NCKAP5L: variants seen among roughly 807,000 people sequenced by gnomAD.
NCKAP5L encodes NCK associated protein 5 like.
A neutral mutation model predicts 103.2 loss-of-function variants in NCKAP5L; 54 were observed. The ratio of observed to expected loss-of-function variants is 0.52; its 90% CI spans 0.42 to 0.66. The LOEUF (loss-of-function observed/expected upper bound fraction) is 0.66. NCKAP5L is among the 30% of genes least tolerant of loss of function. The pLI is 0.00. For missense variants in NCKAP5L, 1,733 were observed against 1,750.6 expected, an observed-to-expected ratio of 0.99 and a Z score of 0.18; for synonymous variants, 762 against 748.6, an observed-to-expected ratio of 1.02 and a Z score of -0.29.
At position 49,796,393 on chromosome 12, in the gene NCKAP5L, C is replaced by G; in HGVS notation, c.1467G>C (p.Arg489=). 6.3e-7 allele frequency: 1 copy of G among 1,579,864 alleles called. No homozygotes were observed. The highest frequency in any genetic ancestry group is 1.8e-5 in the Admixed American group (1 of 55,648). The change falls in exon 8 of 13, where the codon CGG becomes CGC. Residue 489 remains arginine (R), a synonymous_variant. Transcript: ENST00000335999. The stretch of plus-strand genomic sequence containing the variant: ...AGGGGCTGCCGTCTGAGCCACTGTT[C>G]CGACAGGGGATTCGCGAGTTCCGGG... The part of the protein sequence containing the change: ...QLPRNSRIPC[R]NSGSDGSPSP...
Position 49,797,188 on chromosome 12 carries a change from G to T in NCKAP5L, c.672C>A (p.Pro224=). 1 of 1,612,748 alleles carries T rather than the reference G, an allele frequency of 6.2e-7. No homozygotes were observed. Among genetic ancestry groups the T allele is most frequent in the South Asian group, 1.1e-5 (1 of 90,962 alleles). Residue 224 remains proline (P), a synonymous_variant, in exon 8 of 13, where the codon CCC becomes CCA. Coordinates refer to ENST00000335999, the MANE Select transcript of NCKAP5L (RefSeq NM_001037806.4). This position sits in a 1 kb window ranked among gnomAD's most constrained non-coding sequence, Gnocchi z 4.5. The stretch of plus-strand genomic sequence containing the variant: ...GCGGGCCACACAGCTCGCCGTTGAT[G>T]GGCTCTGGGGAGCCAGGCCCCTGGC... ...PPGQGPGSPE[P]INGELCGPPQ...
chr12:49,823,015 G>T (rs980943806), intron 1 of NCKAP5L, among the ~76,000 whole-genome samples: 2 of 150,740 alleles, frequency 1.3e-5, no homozygotes, highest in African/African-American at 2.5e-5. Flanking sequence ...CCGGTCAGAT[G>T]AATGTGGGGG....
chr12:49,815,821 C>T (rs940497029), intron 1 of NCKAP5L, among the ~76,000 whole-genome samples: 10 of 152,112 alleles, frequency 6.6e-5, no homozygotes, highest in African/African-American at 2.4e-4. Context: ...CACTCTCTTG[C>T]CATAAGATGT....
Position 49,797,073 on chromosome 12 carries a change from C to G in NCKAP5L, c.787G>C (p.Gly263Arg), listed in dbSNP as rs1946061975. 6.3e-7 allele frequency: 1 copy of G among 1,578,728 alleles called. No homozygotes were observed. Among genetic ancestry groups the G allele is most frequent in the Non-Finnish European group, 8.6e-7 (1 of 1,162,828 alleles). ...GLLHWERLLG[G>R]LGGEEDTGRP... is the part of the protein sequence containing the mutation. ...CCAGTGTCCTCTTCCCCTCCCAGAC[C>G]CCCCAAGAGGCGCTCCCAGTGCAGC... Residue 263 changes from glycine (G) to arginine (R), a missense_variant, in exon 8 of 13, where the codon GGT becomes CGT. Gly to Arg is a moderately radical substitution (Grantham distance 125, BLOSUM62 -2). Transcript: ENST00000335999. The surrounding 1 kb of genome is among the most constrained non-coding windows in gnomAD (Gnocchi z 4.5).
Position 49,794,467 on chromosome 12 carries a change from C to A in NCKAP5L, c.3095+298G>T, listed in dbSNP as rs374864070. 8.5e-5 allele frequency among the ~76,000 whole-genome samples: 13 copies of A among 152,276 alleles called. No individual in the cohort carries two copies. In the South Asian group the frequency reaches 2.3e-3, roughly 27 times the overall value. On this transcript the variant is annotated intron_variant, in intron 8 of 12. Transcript: ENST00000335999. ...TTATCAGCCCATAGTTAGGCTCTAG[C>A]CTTCACTTAACTATCACATGCAGGC...
At position 49,810,976 on chromosome 12, in the gene NCKAP5L, G is replaced by A. The variant is rs900881048; in HGVS notation, c.-98-4935C>T. Among the ~76,000 whole-genome samples, 7 of 151,234 alleles carry A rather than the reference G, an allele frequency of 4.6e-5. No individual in the cohort carries two copies. In the East Asian group the frequency reaches 1.4e-3, roughly 30 times the overall value. ...TAGAACTTTCTGTAATAATGAACAT[G>A]CTTAGTCTGTACTATCCAACATGGA... On this transcript the variant is annotated intron_variant, in intron 1 of 12. Coordinates refer to ENST00000335999, the MANE Select transcript of NCKAP5L (RefSeq NM_001037806.4).
chr12:49,814,502 AAAAG>A (rs1357776179), intron 1 of NCKAP5L, among the ~76,000 whole-genome samples: 3 of 151,576 alleles, frequency 2.0e-5, no homozygotes, highest in Non-Finnish European at 4.4e-5. Flanking sequence ...AAAAAAAAGA[AAAAG>A]AAAATATTTT....
chr12:49,814,166 A>T (rs1047950970), intron 1 of NCKAP5L, among the ~76,000 whole-genome samples: 2 of 147,326 alleles, frequency 1.4e-5, no homozygotes, highest in East Asian at 2.0e-4. Flanking sequence ...ATATTTATAT[A>T]TATATATATA....
chr12:49,817,851 C>T (rs1031437527), intron 1 of NCKAP5L, among the ~76,000 whole-genome samples: 5 of 152,200 alleles, frequency 3.3e-5, no homozygotes, highest in East Asian at 3.9e-4. Context: ...TAAACCTGGC[C>T]GGGCGCAGTG....
intron 1 of NCKAP5L, among the ~76,000 whole-genome samples, chr12:49,817,268 A>G (rs1043878198): frequency 3.3e-5 from 5 of 152,194 alleles, no homozygotes; most frequent in Admixed American, 2.0e-4. Flanking sequence ...TCAAGATATC[A>G]ATTATATTTT....
rs553898325 is a variant in NCKAP5L, at chr12:49,813,737, A to G, written c.-98-7696T>C. Among the ~76,000 whole-genome samples, 189 of 152,264 alleles carry G rather than the reference A, an allele frequency of 1.2e-3. 1 individual carries two copies. The highest frequency in any genetic ancestry group is 4.3e-3 in the African/African-American group (179 of 41,556). ...GAGATGGGGTTTCACCATGTTGGCCAGGCTGGTCTCCAACTCCTGGCCTCA... is the reference window on the plus strand; with the variant it reads ...GAGATGGGGTTTCACCATGTTGGCCGGGCTGGTCTCCAACTCCTGGCCTCA... On this transcript the variant is annotated intron_variant, in intron 1 of 12. Coordinates refer to ENST00000335999, the MANE Select transcript of NCKAP5L (RefSeq NM_001037806.4).
intron 1 of NCKAP5L, among the ~76,000 whole-genome samples, chr12:49,808,413 G>A (rs140754804): frequency 6.6e-6 from 1 of 152,358 alleles, no homozygotes; most frequent in East Asian, 1.9e-4. Flanking sequence ...CACAGTGGAG[G>A]GCAGGAAGCT....
rs1254795014 is a variant in NCKAP5L at position 49,796,500 on chromosome 12, T to C, written c.1360A>G (p.Arg454Gly). Residue 454 changes from arginine to glycine, a missense_variant, in exon 8 of 13, where the codon AGG becomes GGG. Transcript: ENST00000335999. ...GGCAGCTTTAGAAACTTGAGACCCC[T>C]AGCTGGAGAGGGCAGAAGGGGTCCC... ...AQGPLLPSPA[R>G]GLKFLKLPPT... is the part of the protein sequence containing the mutation. 6.5e-7 allele frequency: 1 copy of C among 1,543,142 alleles called. No individual in the cohort carries two copies. Among genetic ancestry groups the C allele is most frequent in the Non-Finnish European group, 8.7e-7 (1 of 1,147,072 alleles).
chr12:49,828,149 G>A (rs1212631432), intron 1 of NCKAP5L, among the ~76,000 whole-genome samples, 173 bp downstream of exon 1: 3 of 151,694 alleles, frequency 2.0e-5, no homozygotes, highest in African/African-American at 7.3e-5. Flanking sequence ...TGCGGCTGGA[G>A]GGAGGGACGG....
In NCKAP5L at chr12:49,795,368, C is replaced by A. The variant is rs998237194; in HGVS notation, c.2492G>T (p.Gly831Val). 30 of 1,554,034 alleles carry A rather than the reference C, an allele frequency of 1.9e-5. No homozygotes were observed. The Middle Eastern group carries it at 5.2e-4, about 27-fold the overall frequency. Residue 831 changes from glycine (G) to valine (V), a missense_variant, in exon 8 of 13, where the codon GGG becomes GTG. Transcript: ENST00000335999. ...KSPTKVVPRP[G>V]APLVTKESPK... ...GGACTCCTTGGTGACTAGCGGAGCC[C>A]CAGGTCGAGGCACCACCTTGGTTGG... is the stretch of plus-strand genomic sequence containing the variant.
At chr12:49,802,064 C>A in intron 5 of NCKAP5L, 97 bp from the exon 6 acceptor site, 1 of 1,477,998 alleles carries the variant, frequency 6.8e-7, no homozygotes. Context: ...GTCTGGAGGC[C>A]CCAGGACCCT....
rs1031177381 is a variant in NCKAP5L at position 49,796,587 on chromosome 12, G to A, written c.1273C>T (p.His425Tyr). The A allele has an allele frequency of 6.2e-7, 1 of 1,602,462 alleles. No individual in the cohort carries two copies. The highest frequency in any genetic ancestry group is 1.7e-5 in the Admixed American group (1 of 57,666). The change falls in exon 8 of 13, where the codon CAT (histidine) becomes TAT (tyrosine). Residue 425 changes from histidine to tyrosine, a missense_variant. Physicochemically the swap from His to Tyr is moderately conservative, Grantham distance 83. Transcript: ENST00000335999. ...APLGSRPGHP[H>Y]SSSQVKSKLQ... ...TTGCTTTTCACCTGAGATGAGGAAT[G>A]GGGGTGGCCAGGCCGAGAGCCCAGT...
chr12:49,815,748 C>A (rs2085640429), intron 1 of NCKAP5L, among the ~76,000 whole-genome samples: 1 of 152,136 alleles, frequency 6.6e-6, no homozygotes, highest in Non-Finnish European at 1.5e-5. Flanking sequence ...CCTGGGCCTC[C>A]CAAAGTGCTG....
chr12:49,814,409 G>A (rs1371249817), intron 1 of NCKAP5L, among the ~76,000 whole-genome samples: 7 of 150,704 alleles, frequency 4.6e-5, no homozygotes, highest in East Asian at 3.9e-4. Context: ...GTGTGAACCC[G>A]GGAGGTGGAG....
Sources: gnomAD v4.1 joint callset for allele counts (sites outside exome capture counted in the v4.1 genomes callset) on GRCh38, gnomAD v4.1.1 for gene constraint, Gnocchi (gnomAD v3.1) non-coding constraint, MANE v1.5 for transcripts, NCBI Gene and HGNC (gene_info 2026-07-23, HGNC 2026-07-21) for gene names.